Variants in NCOA2 observed in about 807,000 individuals in gnomAD.
NCOA2 encodes the protein nuclear receptor coactivator 2, also known as class E basic helix-loop-helix protein 75.
In NCOA2, 21 loss-of-function variants were observed where a neutral mutation model predicts 145.1. That is an observed-to-expected ratio of 0.14 (90% CI 0.10 to 0.21). The LOEUF (loss-of-function observed/expected upper bound fraction) is 0.21, where lower values mean the gene tolerates loss of function less well. NCOA2 is among the 10% of genes least tolerant of loss of function. NCOA2 has a pLI of 1.00. For missense variants in NCOA2, 1,472 were observed against 1,837.6 expected (o/e 0.80, Z 3.64); for synonymous variants, 619 against 637.5 (o/e 0.97, Z 0.44).
intron 22 of NCOA2, among the ~76,000 whole-genome samples, chr8:70,116,148 C>G (rs949114623): frequency 1.4e-5 from 2 of 145,842 alleles, no homozygotes; most frequent in Non-Finnish European, 3.0e-5. Flanking sequence ...GATTGCGCCA[C>G]TGCACTCCAG....
chr8:70,162,303 C>A (rs141535737), intron 9 of NCOA2, among the ~76,000 whole-genome samples: 5 of 152,292 alleles, frequency 3.3e-5, no homozygotes, highest in African/African-American at 1.2e-4. Flanking sequence ...TGGTTACCAC[C>A]TTGAAGAAGG....
rs534743777 is a variant in NCOA2, at chr8:70,195,043, A to G, written c.259+18860T>C. Among the ~76,000 whole-genome samples, 22 of 152,318 alleles carry G rather than the reference A, an allele frequency of 1.4e-4. 1 individual carries two copies. Among genetic ancestry groups the G allele is most frequent in the Admixed American group, 4.6e-4 (7 of 15,304 alleles). Reference sequence around the variant, plus strand: ...ACCCAAACCTAGGTTCTTCTTCTGTAAAATGGAGATAATAACTCAACTTAC... The same window carrying G: ...ACCCAAACCTAGGTTCTTCTTCTGTGAAATGGAGATAATAACTCAACTTAC... On this transcript the variant is annotated intron_variant, in intron 4 of 22. Coordinates refer to ENST00000452400, the MANE Select transcript of NCOA2 (RefSeq NM_006540.4).
chr8:70,392,853 C>T (rs1334888630), intron 1 of NCOA2, among the ~76,000 whole-genome samples: 1 of 152,142 alleles, frequency 6.6e-6, no homozygotes, highest in African/African-American at 2.4e-5. Context: ...AGTGACAAAG[C>T]CAAAAATTTA....
At chr8:70,435,196 C>A in the NCOA2 span, among the ~76,000 whole-genome samples, 1 of 151,484 alleles carries the variant, frequency 6.6e-6, no homozygotes, top group Admixed American at 6.6e-5. Flanking sequence ...GAGGCCGAGG[C>A]GGGCGGATCA....
At chr8:70,395,237 G>C (rs936220530) in intron 1 of NCOA2, among the ~76,000 whole-genome samples, 14 of 152,226 alleles carry the variant, frequency 9.2e-5, no homozygotes, top group Admixed American at 9.2e-4. Context: ...TCAGAAGTTT[G>C]AATCATTATT....
chr8:70,134,439 A>G (rs1809506210), intron 15 of NCOA2, among the ~76,000 whole-genome samples: 1 of 152,238 alleles, frequency 6.6e-6, no homozygotes, highest in Non-Finnish European at 1.5e-5. Flanking sequence ...GTTAGGCATT[A>G]AAGGATTTTC....
chr8:70,333,735 T>TC (rs1437789812), intron 1 of NCOA2, among the ~76,000 whole-genome samples: 7 of 152,168 alleles, frequency 4.6e-5, no homozygotes, highest in Non-Finnish European at 2.9e-5. Context: ...TCCAAGACCC[T>TC]CCCCATCAGC....
chr8:70,228,646 T>G (rs1300332917), intron 2 of NCOA2, among the ~76,000 whole-genome samples: 1 of 152,236 alleles, frequency 6.6e-6, no homozygotes, highest in Non-Finnish European at 1.5e-5. Flanking sequence ...AAGACGTTTT[T>G]CCACTGAGAG....
At chr8:70,418,029 G>A in the NCOA2 span, among the ~76,000 whole-genome samples, 1 of 152,166 alleles carries the variant, frequency 6.6e-6, no homozygotes, top group African/African-American at 2.4e-5. Context: ...CTCTAGATTA[G>A]CAGCATATAA....
intron 1 of NCOA2, among the ~76,000 whole-genome samples, chr8:70,345,945 A>G (rs929809441): frequency 6.6e-6 from 1 of 152,108 alleles, no homozygotes; most frequent in Non-Finnish European, 1.5e-5. Flanking sequence ...CTCCAAACAC[A>G]ATGAATGGTT....
intron 2 of NCOA2, among the ~76,000 whole-genome samples, chr8:70,276,838 A>AT (rs1233581850): frequency 5.3e-5 from 8 of 152,182 alleles, no homozygotes; most frequent in African/African-American, 1.9e-4. Context: ...AAATTCTGAT[A>AT]TACAGACCTT....
chr8:70,277,993 A>C (rs1254549152), intron 2 of NCOA2, among the ~76,000 whole-genome samples: 1 of 152,204 alleles, frequency 6.6e-6, no homozygotes, highest in Non-Finnish European at 1.5e-5. Flanking sequence ...CCAATACCAC[A>C]ATCAATTTTA....
At chr8:70,281,222 C>A (rs1476856552) in intron 2 of NCOA2, among the ~76,000 whole-genome samples, 1 of 151,734 alleles carries the variant, frequency 6.6e-6, no homozygotes, top group African/African-American at 2.4e-5. Context: ...GGCATGGTGG[C>A]ACACACCTGT....
chr8:70,344,816 A>G (rs530212257), intron 1 of NCOA2, among the ~76,000 whole-genome samples: 37 of 152,328 alleles, frequency 2.4e-4, no homozygotes, highest in Non-Finnish European at 2.5e-4. Flanking sequence ...CTCAAAAGAC[A>G]AGAGTTCTAA....
At chr8:70,168,889 G>A (rs1273363080) in intron 6 of NCOA2, among the ~76,000 whole-genome samples, 5 of 152,092 alleles carry the variant, frequency 3.3e-5, no homozygotes, top group Non-Finnish European at 7.4e-5. Flanking sequence ...ATTTACTAGA[G>A]AATATAATAA....
the NCOA2 span, chr8:70,424,562 G>C: frequency 1.9e-6 from 1 of 519,412 alleles, no homozygotes; most frequent in African/African-American, 1.9e-5. Context: ...ATTTCTCAGG[G>C]ATCACAAGAG....
chr8:70,206,811 CCT>C (rs1455346982), intron 4 of NCOA2, among the ~76,000 whole-genome samples: 11 of 152,208 alleles, frequency 7.2e-5, no homozygotes, highest in Non-Finnish European at 1.5e-4. Context: ...CACTCAGGCT[CCT>C]CTATTTCCTG....
In NCOA2 at chr8:70,113,605, C is replaced by G. The variant is rs1806743414; in HGVS notation, c.*27G>C. 3 of 1,551,574 alleles carry G rather than the reference C, an allele frequency of 1.9e-6. No individual in the cohort carries two copies. Among genetic ancestry groups the G allele is most frequent in the South Asian group, 1.2e-5 (1 of 84,070 alleles). On this transcript the variant is annotated 3_prime_UTR_variant, in exon 23 of 23. Transcript: ENST00000452400. ...GTTTTGAGCAAGTGAGCCCGGTCAG[C>G]TGAAGAAGCAACTGGCTTCAGCAGT... is the stretch of plus-strand genomic sequence containing the variant.
intron 16 of NCOA2, among the ~76,000 whole-genome samples, chr8:70,129,459 A>C (rs1251400236): frequency 4.6e-5 from 7 of 152,178 alleles, no homozygotes. Flanking sequence ...AAAAAATGAG[A>C]CTTAAAGACA....
Sources: allele counts gnomAD v4.1 joint callset (sites outside exome capture counted in the v4.1 genomes callset), GRCh38; gene constraint gnomAD v4.1.1; transcripts MANE v1.5; gene names NCBI Gene and HGNC (gene_info 2026-07-23, HGNC 2026-07-21).